The following ADARB2 variants were observed in gnomAD, a reference collection of about 807,000 sequenced individuals.
ADARB2 encodes adenosine deaminase RNA specific B2 (inactive).
ADARB2 carries 25 observed loss-of-function variants against 62.2 expected under a neutral mutation model. The observed-to-expected ratio is 0.40, with a 90% CI of 0.29 to 0.56. The LOEUF (loss-of-function observed/expected upper bound fraction) is 0.56. Among genes scored for constraint, ADARB2 ranks in the 20% least tolerant of loss-of-function variants. ADARB2 has a pLI of 0.43. For missense variants in ADARB2, 1,071 were observed against 1,077.4 expected (o/e 0.99, Z 0.08); for synonymous variants, 572 against 500.8 (o/e 1.14, Z -1.90).
chr10:1,568,825 T>TCTATCTAC (rs1554772453), intron 1 of ADARB2, among the ~76,000 whole-genome samples: 99 of 152,052 alleles, frequency 6.5e-4, no homozygotes, highest in Middle Eastern at 6.8e-3. Context: ...TATCTATCTA[T>TCTATCTAC]CTATCTATCT....
At chr10:1,199,612 T>TGTGGGCGGCCAGGTGGGCAGGTGGGCAG (rs370028212) in intron 8 of ADARB2, 26 of 224,132 alleles carry the variant, frequency 1.2e-4, no homozygotes, top group Admixed American at 4.7e-4. Flanking sequence ...CATCGCCTCC[T>TGTGGGCGGCCAGGTGGGCAGGTGGGCAG]GTGGGCGGCC....
At position 1,327,091 on chromosome 10, in the gene ADARB2, C is replaced by T. The variant is rs868780575; in HGVS notation, c.1077+35937G>A. On this transcript the variant is annotated intron_variant, in intron 3 of 9. Coordinates refer to ENST00000381312, the MANE Select transcript of ADARB2 (RefSeq NM_018702.4). The stretch of plus-strand genomic sequence containing the variant: ...CTCCCCACTGCACAGCGCCTCCTCA[C>T]TGCACAGCGCCTCCCCACGGCACAG... 5.0e-3 allele frequency among the ~76,000 whole-genome samples: 288 copies of T among 57,196 alleles called. 20 individuals carry two copies. Among genetic ancestry groups the T allele is most frequent in the Non-Finnish European group, 6.7e-3 (162 of 24,122 alleles). 37.5% of individuals were successfully genotyped at this position (57,196 alleles called of 152,430 possible). A position where few individuals can be genotyped will look rare whatever the true frequency, so the allele number is the denominator to read the frequency against.
At chr10:1,325,852 G>C (rs533845095) in intron 3 of ADARB2, among the ~76,000 whole-genome samples, 2 of 152,280 alleles carry the variant, frequency 1.3e-5, no homozygotes, top group African/African-American at 2.4e-5. Context: ...ATCCGCACCT[G>C]AGAACAAGCT....
At chr10:1,241,010 C>A (rs549929463) in intron 5 of ADARB2, among the ~76,000 whole-genome samples, 1 of 152,268 alleles carries the variant, frequency 6.6e-6, no homozygotes, top group African/African-American at 2.4e-5. Flanking sequence ...GTGGCTCATG[C>A]CTGTAATCTC....
intron 1 of ADARB2, among the ~76,000 whole-genome samples, chr10:1,736,041 T>G (rs1278900470): frequency 6.6e-6 from 1 of 152,156 alleles, no homozygotes; most frequent in Non-Finnish European, 1.5e-5. Flanking sequence ...GCTGATCAAT[T>G]CTAGCTGTGT....
intron 7 of ADARB2, among the ~76,000 whole-genome samples, chr10:1,204,979 G>T (rs1263217817): frequency 1.3e-5 from 2 of 152,226 alleles, no homozygotes; most frequent in Non-Finnish European, 2.9e-5. Context: ...GCCTGCACCT[G>T]CCTTGAGCCT....
At chr10:1,656,370 C>G (rs1256018295) in intron 1 of ADARB2, among the ~76,000 whole-genome samples, 1 of 152,212 alleles carries the variant, frequency 6.6e-6, no homozygotes, top group Non-Finnish European at 1.5e-5. Flanking sequence ...TTCTACTTTT[C>G]TCTTCTGCCA....
rs191823580 is a variant in ADARB2, at chr10:1,446,335, G to T, written c.101-67175C>A. On this transcript the variant is annotated intron_variant, in intron 1 of 9. Transcript: ENST00000381312. The stretch of plus-strand genomic sequence containing the variant: ...AAATGGTACCCCCAATACACAAATC[G>T]TCATAGTAAGAAAAATAGCACCCCA... 3.9e-5 allele frequency among the ~76,000 whole-genome samples: 6 copies of T among 152,234 alleles called. No homozygotes were observed. The East Asian group carries it at 7.7e-4, about 20-fold the overall frequency.
intron 7 of ADARB2, among the ~76,000 whole-genome samples, chr10:1,214,259 A>G (rs11250340): frequency 0.41 from 45,558 of 110,544 alleles, 11,185 homozygotes; most frequent in African/African-American, 0.5. Context: ...CCAGCGTTGC[A>G]TGGGTTTGCC....
At chr10:1,637,599 G>T (rs1040233275) in intron 1 of ADARB2, among the ~76,000 whole-genome samples, 2 of 152,152 alleles carry the variant, frequency 1.3e-5, no homozygotes, top group African/African-American at 4.8e-5. Flanking sequence ...GCAACATGTA[G>T]GGAAAGTATT....
chr10:1,735,120 C>T (rs754658205), intron 1 of ADARB2, among the ~76,000 whole-genome samples: 63 of 152,272 alleles, frequency 4.1e-4, no homozygotes, highest in Non-Finnish European at 8.2e-4. Flanking sequence ...GGGAAATTCT[C>T]CCGCACGCCA....
chr10:1,274,743 C>T (rs1831297973), intron 3 of ADARB2, among the ~76,000 whole-genome samples: 1 of 152,196 alleles, frequency 6.6e-6, no homozygotes, highest in African/African-American at 2.4e-5. Context: ...CAATATTATC[C>T]TTTTTAGCTA....
chr10:1,645,425 G>A (rs544922126), intron 1 of ADARB2, among the ~76,000 whole-genome samples: 1 of 152,292 alleles, frequency 6.6e-6, no homozygotes, highest in South Asian at 2.1e-4. Context: ...CCCCTGCAGT[G>A]CCATTGCCTA....
intron 1 of ADARB2, among the ~76,000 whole-genome samples, chr10:1,595,874 G>A (rs1343791653): frequency 1.3e-5 from 2 of 152,234 alleles, no homozygotes; most frequent in African/African-American, 4.8e-5. Flanking sequence ...AGCCTATGGG[G>A]AGAATGAGCT....
chr10:1,344,579 G>A (rs1199311284), intron 3 of ADARB2, among the ~76,000 whole-genome samples: 1 of 152,224 alleles, frequency 6.6e-6, no homozygotes, highest in Non-Finnish European at 1.5e-5. Flanking sequence ...CGCTGCAGGA[G>A]GCCGACCCCA....
chr10:1,544,448 A>G (rs2131971877), intron 1 of ADARB2, among the ~76,000 whole-genome samples: 1 of 152,248 alleles, frequency 6.6e-6, no homozygotes, highest in Admixed American at 6.5e-5. Context: ...GGCTTTTCAC[A>G]CGGGACGTGG....
chr10:1,471,131 C>T (rs1273315554), intron 1 of ADARB2, among the ~76,000 whole-genome samples: 1 of 152,188 alleles, frequency 6.6e-6, no homozygotes, highest in Admixed American at 6.5e-5. Flanking sequence ...AATGATCCCA[C>T]AGGGGTGGTT....
At chr10:1,274,137 C>G (rs1387185822) in intron 3 of ADARB2, among the ~76,000 whole-genome samples, 1 of 152,242 alleles carries the variant, frequency 6.6e-6, no homozygotes, top group African/African-American at 2.4e-5. Context: ...ATGCAGACTG[C>G]TCTCCCGCCG....
intron 1 of ADARB2, among the ~76,000 whole-genome samples, chr10:1,448,283 T>C (rs1588261682): frequency 6.6e-6 from 1 of 152,306 alleles, no homozygotes; most frequent in East Asian, 1.9e-4. Context: ...ATGAAACAAA[T>C]GTGAATGAGA....
Sources: gnomAD v4.1 joint callset for allele counts (sites outside exome capture counted in the v4.1 genomes callset) on GRCh38, gnomAD v4.1.1 for gene constraint, MANE v1.5 for transcripts, NCBI Gene and HGNC (gene_info 2026-07-23, HGNC 2026-07-21) for gene names.